Variants in MLN observed in about 807,000 individuals in gnomAD.
MLN encodes the protein motilin.
MLN carries 14 observed loss-of-function variants against 13.3 expected under a neutral mutation model. The ratio of observed to expected loss-of-function variants is 1.05; its 90% confidence interval spans 0.69 to 1.64. The LOEUF (loss-of-function observed/expected upper bound fraction) is 1.64. Among genes scored for constraint, MLN ranks in the 40% most tolerant of loss-of-function variants. The probability of loss-of-function intolerance (pLI) is 0.00; values close to 1 mark genes in which losing one functional copy is unlikely to be tolerated. For missense variants in MLN, 122 were observed against 142.9 expected (o/e 0.85, Z 0.75); for synonymous variants, 59 against 54.7 (o/e 1.08, Z -0.34).
Position 33,799,357 on chromosome 6 carries a change from G to T in MLN, c.118-136C>A. On this transcript the variant is annotated intron_variant, in intron 2 of 4. Coordinates refer to ENST00000430124, the MANE Select transcript of MLN (RefSeq NM_002418.3). This position sits in a 1 kb window ranked among gnomAD's most constrained non-coding sequence, Gnocchi z 4.6. ...ACTGAAAGAACCCTTTCCTCCAGGA[G>T]CCTCCTGCACGAGGAATCTCAGATA... 1 of 575,258 alleles carries T rather than the reference G, an allele frequency of 1.7e-6. No individual in the cohort carries two copies. Among genetic ancestry groups the T allele is most frequent in the Non-Finnish European group, 3.1e-6 (1 of 319,220 alleles). 35.6% of individuals were successfully genotyped at this position (575,258 alleles called of 1,614,324 possible). A position where few individuals can be genotyped will look rare whatever the true frequency, so the allele number is the denominator to read the frequency against.
intron 1 of MLN, among the ~76,000 whole-genome samples, chr6:33,801,986 A>G (rs1034537125): frequency 6.7e-6 from 1 of 148,756 alleles, no homozygotes; most frequent in African/African-American, 2.4e-5. Flanking sequence ...GCAGGTAGGC[A>G]TGGTGACTGC....
chr6:33,800,121 C>G (rs1768009933), intron 2 of MLN, among the ~76,000 whole-genome samples: 1 of 152,204 alleles, frequency 6.6e-6, no homozygotes, highest in Non-Finnish European at 1.5e-5. Flanking sequence ...TGGATCCCCA[C>G]ACACCTCCCC....
intron 1 of MLN, 65 bp from the exon 2 acceptor site, chr6:33,801,235 G>A (rs1768041694): frequency 8.2e-7 from 1 of 1,225,094 alleles, no homozygotes; most frequent in Non-Finnish European, 1.2e-6. Flanking sequence ...CTGTGTCCGA[G>A]GCAGGGGCCC....
chr6:33,802,189 C>T (rs934673463), intron 1 of MLN, among the ~76,000 whole-genome samples: 1 of 152,264 alleles, frequency 6.6e-6, no homozygotes, highest in Non-Finnish European at 1.5e-5. Context: ...TGCCTCTGCC[C>T]ATAGTAGGCA....
intron 1 of MLN, 110 bp from the exon 2 acceptor site, chr6:33,801,280 G>T: frequency 1.3e-6 from 1 of 768,394 alleles, no homozygotes. Flanking sequence ...CTAGCTGTGT[G>T]ATCTTCAGCC....
rs765594181 is a variant in MLN, at chr6:33,795,569, A to G, written c.271T>C (p.Ser91Pro). 1.5e-5 allele frequency: 24 copies of G among 1,564,644 alleles called. No homozygotes were observed. The highest frequency in any genetic ancestry group is 1.9e-5 in the Admixed American group (1 of 52,786). The change falls in exon 4 of 5, where the codon TCC (serine) becomes CCC (proline). Residue 91 changes from serine (S) to proline (P), a missense_variant. Transcript: ENST00000430124. ...GCCGGGTACTTTTCCAGCTGTCTGG[A>G]GTTCATCCTCATTCCAATTTCCAGA... ...APLEIGMRMN[S>P]RQLEKYPATL... is the part of the protein sequence containing the mutation.
At chr6:33,797,178 G>A (rs777216295) in intron 3 of MLN, among the ~76,000 whole-genome samples, 9 of 152,216 alleles carry the variant, frequency 5.9e-5, no homozygotes, top group Non-Finnish European at 1.3e-4. Flanking sequence ...CCTGACTCCT[G>A]TGTGACCGTG....
intron 3 of MLN, among the ~76,000 whole-genome samples, chr6:33,797,215 C>T (rs993952903): frequency 6.6e-6 from 1 of 152,210 alleles, no homozygotes; most frequent in African/African-American, 2.4e-5. Context: ...CTCTGGATGT[C>T]AGTCTTCTCG....
At position 33,803,162 on chromosome 6, in the gene MLN, A is replaced by T. The variant is rs1004282915; in HGVS notation, c.-8+791T>A. ...TAACTTTCCTTTCCCATCATCAGAG[A>T]TGGGGGGCTTCAACCTTCAAGTGTC... On this transcript the variant is annotated intron_variant, in intron 1 of 4. Transcript: ENST00000430124. The surrounding 1 kb of genome is among the most constrained non-coding windows in gnomAD (Gnocchi z 4.5). Among the ~76,000 whole-genome samples the T allele has an allele frequency of 2.0e-5, 3 of 152,074 alleles. No homozygotes were observed. The highest frequency in any genetic ancestry group is 1.3e-4 in the Admixed American group (2 of 15,268).
At chr6:33,802,218 AG>A in intron 1 of MLN, among the ~76,000 whole-genome samples, 1 of 152,130 alleles carries the variant, frequency 6.6e-6, no homozygotes, top group Admixed American at 6.5e-5. Context: ...CACAGGGGGC[AG>A]GCCTGTTGAA....
At position 33,795,745 on chromosome 6, in the gene MLN, A is replaced by G. The variant is rs1767901847; in HGVS notation, c.235-140T>C. The G allele has an allele frequency of 5.9e-6, 4 of 674,052 alleles. No individual in the cohort carries two copies. The East Asian group carries it at 1.1e-4, about 19-fold the overall frequency. The allele number at this position is 674,052 out of a possible 1,614,324, so 41.8% of individuals were successfully genotyped here. A position where few individuals can be genotyped will look rare whatever the true frequency, so the allele number is the denominator to read the frequency against. On this transcript the variant is annotated intron_variant, in intron 3 of 4. Transcript: ENST00000430124. ...ACTAGAGCCTCTAGGGATGGCTGGGAATTCTGCCACCTTCCCCTAATTCTA... is the reference window on the plus strand; with the variant it reads ...ACTAGAGCCTCTAGGGATGGCTGGGGATTCTGCCACCTTCCCCTAATTCTA...
At chr6:33,802,720 C>G (rs1408012065) in intron 1 of MLN, among the ~76,000 whole-genome samples, 1 of 152,202 alleles carries the variant, frequency 6.6e-6, no homozygotes, top group Non-Finnish European at 1.5e-5. Flanking sequence ...GCTGAAAGGA[C>G]CACCCGCCCA....
At position 33,799,252 on chromosome 6, in the gene MLN, C is replaced by T. The variant is rs369819518; in HGVS notation, c.118-31G>A. On this transcript the variant is annotated intron_variant, in intron 2 of 4. Transcript: ENST00000430124. This position sits in a 1 kb window ranked among gnomAD's most constrained non-coding sequence, Gnocchi z 4.6. ...GGCAGAACAGAAAATTGCACAAAAC[C>T]GCCCTCCCTCAACCCACGCTGATGG... 1.8e-4 allele frequency: 281 copies of T among 1,544,148 alleles called. No individual in the cohort carries two copies. The highest frequency in any genetic ancestry group is 2.4e-4 in the Non-Finnish European group (267 of 1,119,356).
intron 3 of MLN, among the ~76,000 whole-genome samples, chr6:33,796,249 G>C (rs563458654): frequency 3.0e-4 from 46 of 152,314 alleles, no homozygotes; most frequent in South Asian, 1.5e-3. Flanking sequence ...GGGATGGTTA[G>C]TGTTCCCATT....
rs540313538 is a variant in MLN, at chr6:33,796,410, C to G, written c.235-805G>C. Among the ~76,000 whole-genome samples, 4 of 152,344 alleles carry G rather than the reference C, an allele frequency of 2.6e-5. No homozygotes were observed. The South Asian group carries it at 8.3e-4, about 32-fold the overall frequency. On this transcript the variant is annotated intron_variant, in intron 3 of 4. Transcript: ENST00000430124. Reference sequence around the variant, plus strand: ...ACCAGGCTACCTTTCCTCTTGTTGTCTGGAGACTCTCCACCAAAGAGGTAG... The same window carrying G: ...ACCAGGCTACCTTTCCTCTTGTTGTGTGGAGACTCTCCACCAAAGAGGTAG...
rs369848921 is a variant in MLN at position 33,797,185 on chromosome 6, C to T, written c.235-1580G>A. ...GGTTCTGCCCTGACTCCTGTGTGACCGTGACAAGGCCCCTGCTCTCTCTGG... is the reference window on the plus strand; with the variant it reads ...GGTTCTGCCCTGACTCCTGTGTGACTGTGACAAGGCCCCTGCTCTCTCTGG... On this transcript the variant is annotated intron_variant, in intron 3 of 4. Transcript: ENST00000430124. Among the ~76,000 whole-genome samples the T allele has an allele frequency of 9.2e-5, 14 of 152,350 alleles. No individual in the cohort carries two copies. In the East Asian group the frequency reaches 1.3e-3, roughly 15 times the overall value.
intron 4 of MLN, 124 bp downstream of exon 4, chr6:33,795,379 G>T: frequency 1.4e-6 from 1 of 739,206 alleles, no homozygotes; most frequent in Non-Finnish European, 2.3e-6. Flanking sequence ...GGGAGAAGAC[G>T]GCTCCACATT....
At chr6:33,795,933 T>A (rs1767907272) in intron 3 of MLN, among the ~76,000 whole-genome samples, 1 of 151,506 alleles carries the variant, frequency 6.6e-6, no homozygotes, top group Admixed American at 6.6e-5. Context: ...ATAGCCAACA[T>A]TGTGGAGTCT....
chr6:33,798,536 G>A (rs1767974968), intron 3 of MLN, among the ~76,000 whole-genome samples: 1 of 152,192 alleles, frequency 6.6e-6, no homozygotes, highest in South Asian at 2.1e-4. Flanking sequence ...AGACTGTAGC[G>A]CCTCCTGCCT....
Sources: allele counts gnomAD v4.1 joint callset (sites outside exome capture counted in the v4.1 genomes callset), GRCh38; gene constraint gnomAD v4.1.1; non-coding constraint Gnocchi (gnomAD v3.1); transcripts MANE v1.5; gene names NCBI Gene and HGNC (gene_info 2026-07-23, HGNC 2026-07-21).